Variants in EMCN observed in about 807,000 individuals in gnomAD.
The protein encoded by EMCN is MUC-14.
A neutral mutation model predicts 38.4 loss-of-function variants in EMCN; 37 were observed. The observed-to-expected ratio is 0.96, with a 90% CI of 0.74 to 1.27. The LOEUF is 1.27. EMCN is among the 50% of genes most tolerant of loss of function. The pLI, the probability that EMCN is intolerant of heterozygous loss-of-function variation, is 0.00. For synonymous variants in EMCN, 95 were observed against 100.8 expected, an observed-to-expected ratio of 0.94 and a Z score of 0.35; for missense variants, 318 against 302.8, an observed-to-expected ratio of 1.05 and a Z score of -0.37.
intron 4 of EMCN, among the ~76,000 whole-genome samples, chr4:100,452,137 G>A (rs1727854900): frequency 1.3e-5 from 2 of 151,864 alleles, no homozygotes; most frequent in African/African-American, 4.8e-5. Flanking sequence ...AAAAAGACCT[G>A]GGTGTTGGTC....
At chr4:100,451,004 T>A (rs996072943) in intron 4 of EMCN, among the ~76,000 whole-genome samples, 6 of 151,920 alleles carry the variant, frequency 3.9e-5, no homozygotes, top group Admixed American at 1.3e-4. Flanking sequence ...AAAATTTTCA[T>A]TGGATGCACA....
Position 100,395,374 on chromosome 4 carries a change from A to G in EMCN, c.*3039T>C, listed in dbSNP as rs529196134. On this transcript the variant is annotated 3_prime_UTR_variant, in exon 12 of 12. Coordinates refer to ENST00000296420, the MANE Select transcript of EMCN (RefSeq NM_016242.4). ...AAATTGGGGCAGAGTACACCCATTT[A>G]TTGGAAAATGAGAAGTCCTGTGTGT... is the stretch of plus-strand genomic sequence containing the variant. The G allele has an allele frequency of 1.3e-5, 2 of 152,186 alleles. No homozygotes were observed. Among genetic ancestry groups the G allele is most frequent in the Non-Finnish European group, 2.9e-5 (2 of 68,020 alleles). 9.4% of individuals were successfully genotyped at this position (152,186 alleles called of 1,614,324 possible).
chr4:100,516,917 T>C (rs941810539), intron 1 of EMCN, among the ~76,000 whole-genome samples: 2 of 152,058 alleles, frequency 1.3e-5, no homozygotes, highest in Admixed American at 1.3e-4. Context: ...TGTTCTTTTA[T>C]GGTAGTTTGT....
intron 4 of EMCN, among the ~76,000 whole-genome samples, chr4:100,461,535 T>G (rs1159219835): frequency 1.3e-5 from 2 of 152,126 alleles, no homozygotes; most frequent in African/African-American, 2.4e-5. Context: ...AAAGCCCACA[T>G]TTTTTAAATA....
chr4:100,479,419 G>A (rs1728748493), intron 2 of EMCN, among the ~76,000 whole-genome samples: 1 of 151,890 alleles, frequency 6.6e-6, no homozygotes, highest in African/African-American at 2.4e-5. Context: ...GGATGGTAAA[G>A]TAATCTCCTT....
At chr4:100,473,177 G>C (rs1728526585) in intron 3 of EMCN, among the ~76,000 whole-genome samples, 1 of 149,626 alleles carries the variant, frequency 6.7e-6, no homozygotes, top group African/African-American at 2.4e-5. Flanking sequence ...ACCACGCCCA[G>C]TAAATTTTTG....
chr4:100,467,501 AC>A (rs1042242929), intron 3 of EMCN, among the ~76,000 whole-genome samples: 1 of 151,218 alleles, frequency 6.6e-6, no homozygotes, highest in African/African-American at 2.4e-5. Context: ...ACACGGTGAA[AC>A]CCCGTCTCTA....
At position 100,398,031 on chromosome 4, in the gene EMCN, T is replaced by C. The variant is rs1232148644; in HGVS notation, c.*382A>G. On this transcript the variant is annotated 3_prime_UTR_variant, in exon 12 of 12. Coordinates refer to ENST00000296420, the MANE Select transcript of EMCN (RefSeq NM_016242.4). ...ACTGAGAAAAGTAGGAAAGTCTTCATGGATAAAAATTCTTGGCCCGGAAAA... is the reference window on the plus strand; with the variant it reads ...ACTGAGAAAAGTAGGAAAGTCTTCACGGATAAAAATTCTTGGCCCGGAAAA... 1 of 151,712 alleles carries C rather than the reference T, an allele frequency of 6.6e-6. No individual in the cohort carries two copies. The highest frequency in any genetic ancestry group is 2.4e-5 in the African/African-American group (1 of 41,298). The allele number at this position is 151,712 out of a possible 1,614,324, so 9.4% of individuals were successfully genotyped here.
rs148406543 is a variant in EMCN at position 100,430,799 on chromosome 4, A to C, written c.416-7395T>G. Among the ~76,000 whole-genome samples, 540 of 152,286 alleles carry C rather than the reference A, an allele frequency of 3.5e-3. 6 individuals carry two copies. Among genetic ancestry groups the C allele is most frequent in the African/African-American group, 0.012 (511 of 41,580 alleles). Reference sequence around the variant, plus strand: ...AGAAGTTTGTACCAGACACGATCACATATACGTTGATATATTTCTTATTCC... The same window carrying C: ...AGAAGTTTGTACCAGACACGATCACCTATACGTTGATATATTTCTTATTCC... On this transcript the variant is annotated intron_variant, in intron 5 of 11. Coordinates refer to ENST00000296420, the MANE Select transcript of EMCN (RefSeq NM_016242.4).
At chr4:100,460,177 T>C (rs1728138561) in intron 4 of EMCN, among the ~76,000 whole-genome samples, 1 of 152,212 alleles carries the variant, frequency 6.6e-6, no homozygotes, top group African/African-American at 2.4e-5. Context: ...TGATGATTAG[T>C]AATGTTGGGA....
At chr4:100,484,089 G>A (rs930042440) in intron 1 of EMCN, among the ~76,000 whole-genome samples, 1 of 152,028 alleles carries the variant, frequency 6.6e-6, no homozygotes, top group South Asian at 2.1e-4. Context: ...CGAGTTTCCT[G>A]TACTACAAAG....
chr4:100,415,909 G>T lies in EMCN; in HGVS notation c.740C>A (p.Ser247Tyr), dbSNP rs777945871. The T allele has an allele frequency of 6.3e-7, 1 of 1,583,374 alleles. No individual in the cohort carries two copies. The highest frequency in any genetic ancestry group is 1.2e-5 in the South Asian group (1 of 84,930). The change falls in exon 10 of 12, where the codon TCT becomes TAT. Residue 247 changes from serine (S) to tyrosine (Y), a missense_variant. By Grantham distance (144) the Ser-to-Tyr change is moderately radical. Coordinates refer to ENST00000296420, the MANE Select transcript of EMCN (RefSeq NM_016242.4). ...GTCTGGAAACTTACCAGACTCATGA[G>T]AAATTGTCTTAACGGTAAGAAGCTT... is the stretch of plus-strand genomic sequence containing the variant. ...SVKLLTVKTISHESGEHSAQG... is the reference protein window; with the variant it reads ...SVKLLTVKTIYHESGEHSAQG...
intron 1 of EMCN, among the ~76,000 whole-genome samples, chr4:100,508,284 C>T (rs1432608346): frequency 2.0e-5 from 3 of 152,178 alleles, no homozygotes; most frequent in Admixed American, 6.5e-5. Flanking sequence ...GTTCAGTGTA[C>T]TCTTCACCAC....
rs1726101234 is a variant in EMCN, at chr4:100,395,632, A to C, written c.*2781T>G. ...CTTGAATGACCACAAGTAGAGCTCAACAGAGAATAATCAGGCAAAAAATCA... is the reference window on the plus strand; with the variant it reads ...CTTGAATGACCACAAGTAGAGCTCACCAGAGAATAATCAGGCAAAAAATCA... On this transcript the variant is annotated 3_prime_UTR_variant, in exon 12 of 12. Transcript: ENST00000296420. The C allele has an allele frequency of 6.6e-6, 1 of 152,196 alleles. No homozygotes were observed. The highest frequency in any genetic ancestry group is 2.4e-5 in the African/African-American group (1 of 41,474). The allele number at this position is 152,196 out of a possible 1,614,324, so 9.4% of individuals were successfully genotyped here. A position where few individuals can be genotyped will look rare whatever the true frequency, so the allele number is the denominator to read the frequency against.
Position 100,475,060 on chromosome 4 carries a change from A to C in EMCN, c.237T>G (p.Thr79=). 3.2e-6 allele frequency: 5 copies of C among 1,539,428 alleles called. No homozygotes were observed. The highest frequency in any genetic ancestry group is 4.4e-6 in the Non-Finnish European group (5 of 1,133,142). The change falls in exon 3 of 12, where the codon ACT becomes ACG. Residue 79 remains threonine, a synonymous_variant. Coordinates refer to ENST00000296420, the MANE Select transcript of EMCN (RefSeq NM_016242.4). ...CACCTTCATCTTTACTTGTTAAAAA[A>C]GTAGCTGTTGACATCAGAGACATTT... The part of the protein sequence containing the change: ...LLKMSLMSTA[T]FLTSKDEGLK...
chr4:100,509,976 T>C (rs571549799), intron 1 of EMCN, among the ~76,000 whole-genome samples: 1 of 152,300 alleles, frequency 6.6e-6, no homozygotes, highest in East Asian at 1.9e-4. Flanking sequence ...GTAACACCAA[T>C]ACCATGTCAA....
rs559282700 is a variant in EMCN at position 100,465,411 on chromosome 4, C to T, written c.376+12G>A. The T allele has an allele frequency of 6.6e-7, 1 of 1,507,184 alleles. No homozygotes were observed. Among genetic ancestry groups the T allele is most frequent in the Non-Finnish European group, 9.1e-7 (1 of 1,094,464 alleles). The allele number at this position is 1,507,184 out of a possible 1,614,324, so 93.4% of individuals were successfully genotyped here. A position where few individuals can be genotyped will look rare whatever the true frequency, so the allele number is the denominator to read the frequency against. On this transcript the variant is annotated intron_variant, in intron 4 of 11. Transcript: ENST00000296420. Reference sequence around the variant, plus strand: ...ACTAGTTTAACACTTCAGCACAAATCCTCATACTTACTCTTGGGTTTGGAA... The same window carrying T: ...ACTAGTTTAACACTTCAGCACAAATTCTCATACTTACTCTTGGGTTTGGAA...
At chr4:100,474,978 CTATTA>C (rs1728594768) in intron 3 of EMCN, 55 bp downstream of exon 3, 1 of 886,934 alleles carries the variant, frequency 1.1e-6, no homozygotes, top group African/African-American at 1.7e-5. Context: ...AAAAGGGTGA[CTATTA>C]TGTTATGTGA....
chr4:100,447,589 GA>G lies in EMCN; in HGVS notation c.377-19del, dbSNP rs763261305. On this transcript the variant is annotated intron_variant, in intron 4 of 11. Coordinates refer to ENST00000296420, the MANE Select transcript of EMCN (RefSeq NM_016242.4). ...AGTTTCAGCTTTAGAAGGAAAAAAA[GA>G]AAAAAAATCAGTACAATTAAATGTT... 104 of 1,536,436 alleles carry G rather than the reference GA, an allele frequency of 6.8e-5. 1 individual carries two copies. The South Asian group carries it at 1.0e-3, about 15-fold the overall frequency.
Sources: gnomAD v4.1 joint callset for allele counts (sites outside exome capture counted in the v4.1 genomes callset) on GRCh38, gnomAD v4.1.1 for gene constraint, MANE v1.5 for transcripts, NCBI Gene and HGNC (gene_info 2026-07-23, HGNC 2026-07-21) for gene names.